Variants in UNC5D observed in about 807,000 individuals in gnomAD.
UNC5D encodes unc-5 netrin receptor D, also known as netrin receptor UNC5D.
UNC5D carries 39 observed loss-of-function variants against 105.4 expected under a neutral mutation model. The observed-to-expected ratio is 0.37, with a 90% CI of 0.29 to 0.48. The LOEUF (loss-of-function observed/expected upper bound fraction) is 0.48. UNC5D is among the 20% of genes least tolerant of loss of function. The pLI is 0.98. For missense variants in UNC5D, 991 were observed against 1,202.4 expected, an observed-to-expected ratio of 0.82 and a Z score of 2.60; for synonymous variants, 452 against 450.4, an observed-to-expected ratio of 1.00 and a Z score of -0.04.
rs140830705 is a variant in UNC5D, at chr8:35,755,478, A to ATGTGTGTGTGTGTGTGTGTG, written c.2164-3823_2164-3822insGTGTGTGTGTGTGTGTGTGT. On this transcript the variant is annotated intron_variant, in intron 13 of 16. Transcript: ENST00000404895. ...CACCATAGCGACATAATTTGTGTGT[A>ATGTGTGTGTGTGTGTGTGTG]TGTGTGTGTGTGTGTGTGTAAGTTC... 7.0e-3 allele frequency among the ~76,000 whole-genome samples: 1,051 copies of ATGTGTGTGTGTGTGTGTGTG among 150,474 alleles called. 12 individuals are homozygous for ATGTGTGTGTGTGTGTGTGTG. Among genetic ancestry groups the ATGTGTGTGTGTGTGTGTGTG allele is most frequent in the African/African-American group, 0.024 (998 of 41,088 alleles).
chr8:35,736,609 A>G (rs902780603), intron 11 of UNC5D, among the ~76,000 whole-genome samples: 10 of 152,332 alleles, frequency 6.6e-5, no homozygotes, highest in Admixed American at 6.5e-4. Context: ...ATGAATGATC[A>G]TATTGCAGTG....
intron 1 of UNC5D, among the ~76,000 whole-genome samples, chr8:35,253,690 C>A (rs539800259): frequency 1.3e-5 from 2 of 151,766 alleles, no homozygotes; most frequent in South Asian, 4.2e-4. Context: ...GGGGTTCCAC[C>A]ATGTTAGCTA....
intron 1 of UNC5D, among the ~76,000 whole-genome samples, chr8:35,499,163 C>T (rs764243298): frequency 7.2e-5 from 11 of 152,180 alleles, no homozygotes; most frequent in Non-Finnish European, 1.5e-4. Context: ...AGAATAAACA[C>T]CACACCACAG....
intron 4 of UNC5D, among the ~76,000 whole-genome samples, chr8:35,646,068 A>G (rs1038727418): frequency 1.3e-5 from 2 of 152,188 alleles, no homozygotes; most frequent in Admixed American, 6.5e-5. Context: ...GAAATGGATT[A>G]GAATAATATC....
chr8:35,540,040 A>G (rs978200025), intron 1 of UNC5D, among the ~76,000 whole-genome samples: 3 of 152,188 alleles, frequency 2.0e-5, no homozygotes, highest in East Asian at 1.9e-4. Context: ...CCATTTTTCC[A>G]TAACTATGAA....
chr8:35,339,149 C>A (rs1811270025), intron 1 of UNC5D, among the ~76,000 whole-genome samples: 2 of 152,170 alleles, frequency 1.3e-5, no homozygotes, highest in South Asian at 4.1e-4. Context: ...CCTTTGAATA[C>A]AAAGTACAGT....
chr8:35,656,261 A>G (rs1823728839), intron 4 of UNC5D, among the ~76,000 whole-genome samples: 1 of 152,060 alleles, frequency 6.6e-6, no homozygotes, highest in African/African-American at 2.4e-5. Flanking sequence ...AACACACTTT[A>G]TTTTATTGCC....
At chr8:35,597,219 C>T (rs878903578) in intron 4 of UNC5D, among the ~76,000 whole-genome samples, 6 of 151,972 alleles carry the variant, frequency 3.9e-5, no homozygotes, top group Admixed American at 2.6e-4. Context: ...ATGAAGTAAA[C>T]GGACTTGAAA....
chr8:35,734,472 G>T (rs1000233127), intron 11 of UNC5D, among the ~76,000 whole-genome samples: 7 of 151,812 alleles, frequency 4.6e-5, no homozygotes, highest in African/African-American at 1.7e-4. Flanking sequence ...GTGCAATGGC[G>T]TGATCTCGAC....
chr8:35,620,524 C>T (rs762630281), intron 4 of UNC5D, among the ~76,000 whole-genome samples: 4 of 152,134 alleles, frequency 2.6e-5, no homozygotes, highest in Non-Finnish European at 5.9e-5. Flanking sequence ...CCCTTACCCC[C>T]ACTGTTCCGA....
chr8:35,336,417 G>A (rs1811046783), intron 1 of UNC5D, among the ~76,000 whole-genome samples: 1 of 152,154 alleles, frequency 6.6e-6, no homozygotes, highest in South Asian at 2.1e-4. Context: ...ACATTGGGTG[G>A]AAATCATTGT....
intron 1 of UNC5D, among the ~76,000 whole-genome samples, chr8:35,268,025 T>A (rs2128830173): frequency 6.6e-6 from 1 of 152,318 alleles, no homozygotes; most frequent in East Asian, 1.9e-4. Flanking sequence ...GTTGAGAATA[T>A]TTAAAAGTTA....
At chr8:35,258,424 C>T (rs1356124771) in intron 1 of UNC5D, among the ~76,000 whole-genome samples, 4 of 152,140 alleles carry the variant, frequency 2.6e-5, no homozygotes, top group African/African-American at 4.8e-5. Flanking sequence ...GCAGAGCACA[C>T]AGTGTGGGGG....
chr8:35,235,760 C>A lies in UNC5D; in HGVS notation c.-25C>A. The A allele has an allele frequency of 1.6e-6, 2 of 1,228,900 alleles. No individual in the cohort carries two copies. Among genetic ancestry groups the A allele is most frequent in the Non-Finnish European group, 2.0e-6 (2 of 985,022 alleles). The allele number at this position is 1,228,900 out of a possible 1,614,324, so 76.1% of individuals were successfully genotyped here. A position where few individuals can be genotyped will look rare whatever the true frequency, so the allele number is the denominator to read the frequency against. ...GGGCTCCCGGAGCGTGAAGAAGAGC[C>A]GCCCTCCGGAACGCGGCGAGGAGCA... On this transcript the variant is annotated 5_prime_UTR_variant, in exon 1 of 17. Transcript: ENST00000404895.
chr8:35,462,487 T>G (rs1220343431), intron 1 of UNC5D, among the ~76,000 whole-genome samples: 1 of 152,196 alleles, frequency 6.6e-6, no homozygotes, highest in African/African-American at 2.4e-5. Context: ...TGCATCATTT[T>G]AAACTTGAAT....
intron 6 of UNC5D, among the ~76,000 whole-genome samples, chr8:35,685,483 A>C (rs899603674): frequency 2.0e-5 from 3 of 152,182 alleles, no homozygotes; most frequent in African/African-American, 7.2e-5. Context: ...AACTCCAAGG[A>C]CACTGGACTA....
intron 1 of UNC5D, among the ~76,000 whole-genome samples, chr8:35,313,345 C>T (rs777009598): frequency 1.3e-5 from 2 of 151,984 alleles, no homozygotes; most frequent in Non-Finnish European, 2.9e-5. Flanking sequence ...ATTTGATGGT[C>T]GAACTGTGCT....
chr8:35,524,666 A>G (rs1813727221), intron 1 of UNC5D, among the ~76,000 whole-genome samples: 1 of 150,440 alleles, frequency 6.6e-6, no homozygotes, highest in Non-Finnish European at 1.5e-5. Flanking sequence ...GAAAAAAGAA[A>G]AAAGAAAAAA....
At chr8:35,625,442 G>A (rs779521295) in intron 4 of UNC5D, among the ~76,000 whole-genome samples, 1 of 152,144 alleles carries the variant, frequency 6.6e-6, no homozygotes, top group Non-Finnish European at 1.5e-5. Context: ...TCAACAAAAT[G>A]TGAAATTCAC....
Sources: allele counts gnomAD v4.1 joint callset (sites outside exome capture counted in the v4.1 genomes callset), GRCh38; gene constraint gnomAD v4.1.1; transcripts MANE v1.5; gene names NCBI Gene and HGNC (gene_info 2026-07-23, HGNC 2026-07-21).